Variants in ARHGAP10 observed in about 807,000 individuals in gnomAD.
ARHGAP10 encodes Rho GTPase activating protein 10, also known as rho GTPase-activating protein 10.
ARHGAP10 carries 87 observed loss-of-function variants against 108.6 expected under a neutral mutation model. That is an observed-to-expected ratio of 0.80 (90% CI 0.67 to 0.96). ARHGAP10 has a LOEUF of 0.96. ARHGAP10 is among the 40% of genes least tolerant of loss of function. ARHGAP10 has a pLI of 0.00. For synonymous variants in ARHGAP10, 347 were observed against 341.1 expected, an observed-to-expected ratio of 1.02 and a Z score of -0.19; for missense variants, 939 against 954.5, an observed-to-expected ratio of 0.98 and a Z score of 0.21.
At chr4:148,022,973 G>C (rs1741625153) in intron 18 of ARHGAP10, 2 of 250,612 alleles carry the variant, frequency 8.0e-6, no homozygotes, top group Non-Finnish European at 1.5e-5. Flanking sequence ...CTGTGGTACT[G>C]TCTATATCTG....
At chr4:147,895,080 T>G (rs571676013) in intron 10 of ARHGAP10, among the ~76,000 whole-genome samples, 2 of 152,278 alleles carry the variant, frequency 1.3e-5, no homozygotes, top group East Asian at 3.9e-4. Flanking sequence ...ACCTTACAGT[T>G]CATGAACTTG....
At chr4:148,063,666 A>C (rs1374348575) in intron 21 of ARHGAP10, among the ~76,000 whole-genome samples, 1 of 152,230 alleles carries the variant, frequency 6.6e-6, no homozygotes, top group Non-Finnish European at 1.5e-5. Context: ...CTTCCATGGC[A>C]TCCAGTGGCC....
intron 20 of ARHGAP10, among the ~76,000 whole-genome samples, chr4:148,062,712 G>A (rs981103000): frequency 2.0e-4 from 30 of 152,332 alleles, no homozygotes; most frequent in Admixed American, 1.8e-3. Context: ...ATTGCCACAC[G>A]TGTAGGAGCA....
chr4:147,932,334 A>G (rs1737735605), intron 13 of ARHGAP10, among the ~76,000 whole-genome samples: 1 of 152,218 alleles, frequency 6.6e-6, no homozygotes, highest in African/African-American at 2.4e-5. Flanking sequence ...AAATTGTTTT[A>G]TTATAAAGAC....
intron 1 of ARHGAP10, among the ~76,000 whole-genome samples, chr4:147,796,848 G>A (rs924230356): frequency 2.6e-5 from 4 of 152,174 alleles, no homozygotes; most frequent in Non-Finnish European, 5.9e-5. Flanking sequence ...TGGAATGCTA[G>A]TACTGGCCAT....
chr4:147,793,594 A>G (rs1731207295), intron 1 of ARHGAP10, among the ~76,000 whole-genome samples: 1 of 152,180 alleles, frequency 6.6e-6, no homozygotes, highest in Admixed American at 6.5e-5. Context: ...AGAGTAGGGA[A>G]TAAAAGTACT....
chr4:147,801,596 A>T lies in ARHGAP10; in HGVS notation c.155-21131A>T, dbSNP rs867295692. Reference sequence around the variant, plus strand: ...CTGTTTTTTACTATAAAACATTTGAATGGCCTTATAAAATGTTTCTTGCAA... The same window carrying T: ...CTGTTTTTTACTATAAAACATTTGATTGGCCTTATAAAATGTTTCTTGCAA... On this transcript the variant is annotated intron_variant, in intron 1 of 22. Transcript: ENST00000336498. 2.0e-5 allele frequency among the ~76,000 whole-genome samples: 3 copies of T among 152,336 alleles called. No individual in the cohort carries two copies. In the East Asian group the frequency reaches 5.8e-4, roughly 29 times the overall value.
chr4:147,767,303 C>G lies in ARHGAP10; in HGVS notation c.154+34848C>G, dbSNP rs1729874657. ...AGATTGGTAAATACTAGTTTAACTT[C>G]TAATTAAAGTTGGCTGGGTGAAACA... On this transcript the variant is annotated intron_variant, in intron 1 of 22. Coordinates refer to ENST00000336498, the MANE Select transcript of ARHGAP10 (RefSeq NM_024605.4). Among the ~76,000 whole-genome samples, 3 of 151,926 alleles carry G rather than the reference C, an allele frequency of 2.0e-5. 1 individual carries two copies. In the South Asian group the frequency reaches 6.2e-4, roughly 32 times the overall value.
chr4:148,001,216 T>G (rs1258549584), intron 18 of ARHGAP10, among the ~76,000 whole-genome samples: 1 of 152,170 alleles, frequency 6.6e-6, no homozygotes, highest in Non-Finnish European at 1.5e-5. Flanking sequence ...TCAAAGATCA[T>G]ACGGTTGTAG....
chr4:147,850,410 C>T (rs531930253), intron 4 of ARHGAP10, among the ~76,000 whole-genome samples: 26 of 152,348 alleles, frequency 1.7e-4, no homozygotes, highest in African/African-American at 5.8e-4. Context: ...TTTGGGTCCA[C>T]ACTACCTTTA....
intron 18 of ARHGAP10, among the ~76,000 whole-genome samples, chr4:147,990,635 A>G (rs536774249): frequency 3.2e-4 from 48 of 152,314 alleles, no homozygotes; most frequent in African/African-American, 1.0e-3. Flanking sequence ...TTGCAGCAAC[A>G]TGGATGGAGC....
At chr4:147,735,351 A>G (rs766617118) in intron 1 of ARHGAP10, among the ~76,000 whole-genome samples, 1 of 152,252 alleles carries the variant, frequency 6.6e-6, no homozygotes, top group Non-Finnish European at 1.5e-5. Flanking sequence ...CAAGTATTCT[A>G]ACTTTTCCAG....
chr4:148,016,771 G>C (rs1334520642), intron 18 of ARHGAP10, among the ~76,000 whole-genome samples: 1 of 151,996 alleles, frequency 6.6e-6, no homozygotes, highest in Non-Finnish European at 1.5e-5. Context: ...CGCAGGTCCG[G>C]GCCTCCAGAA....
intron 1 of ARHGAP10, among the ~76,000 whole-genome samples, chr4:147,776,121 T>A (rs1023202631): frequency 1.3e-5 from 2 of 152,230 alleles, no homozygotes; most frequent in African/African-American, 4.8e-5. Context: ...CTCCTCGTAA[T>A]CATTAACTTG....
At chr4:147,933,855 G>C (rs865970614) in intron 13 of ARHGAP10, among the ~76,000 whole-genome samples, 1 of 152,180 alleles carries the variant, frequency 6.6e-6, no homozygotes, top group East Asian at 1.9e-4. Context: ...CAGGCTCTTT[G>C]GGTGTATGTC....
chr4:147,757,660 A>C (rs1729435814), intron 1 of ARHGAP10, among the ~76,000 whole-genome samples: 1 of 152,096 alleles, frequency 6.6e-6, no homozygotes, highest in African/African-American at 2.4e-5. Context: ...TGGCTTACTC[A>C]CGGGCCTCTA....
At chr4:147,788,034 T>C (rs1438838145) in intron 1 of ARHGAP10, among the ~76,000 whole-genome samples, 1 of 152,196 alleles carries the variant, frequency 6.6e-6, no homozygotes, top group Admixed American at 6.5e-5. Context: ...TTAGGATTTA[T>C]CATCGGTTCC....
intron 1 of ARHGAP10, among the ~76,000 whole-genome samples, chr4:147,741,042 T>C (rs1728635741): frequency 6.6e-6 from 1 of 152,220 alleles, no homozygotes; most frequent in Non-Finnish European, 1.5e-5. Flanking sequence ...TGAATATATT[T>C]GTGAGATTCA....
chr4:147,954,347 A>G lies in ARHGAP10; in HGVS notation c.1392-969A>G, dbSNP rs146886056. On this transcript the variant is annotated intron_variant, in intron 15 of 22. Transcript: ENST00000336498. ...CCCATTTCTCCTTGTAGTTCTGTCA[A>G]TTTTTGCTTCAAGTGTTTTGGGGCT... is the stretch of plus-strand genomic sequence containing the variant. 2.0e-4 allele frequency among the ~76,000 whole-genome samples: 30 copies of G among 151,874 alleles called. No homozygotes were observed. In the East Asian group the frequency reaches 5.2e-3, roughly 26 times the overall value.
Sources: gnomAD v4.1 joint callset for allele counts (sites outside exome capture counted in the v4.1 genomes callset) on GRCh38, gnomAD v4.1.1 for gene constraint, MANE v1.5 for transcripts, NCBI Gene and HGNC (gene_info 2026-07-23, HGNC 2026-07-21) for gene names.